PLCG2: variants seen among roughly 807,000 people sequenced by gnomAD.
PLCG2 encodes the protein 1-phosphatidylinositol 4,5-bisphosphate phosphodiesterase gamma-2.
PLCG2 carries 69 observed loss-of-function variants against 175.6 expected under a neutral mutation model. That is an observed-to-expected ratio of 0.39 (90% confidence interval 0.32 to 0.48). PLCG2 has a LOEUF of 0.48. Among genes scored for constraint, PLCG2 ranks in the 20% least tolerant of loss-of-function variants. The pLI is 0.91. For synonymous variants in PLCG2, 827 were observed against 624.0 expected, an observed-to-expected ratio of 1.33 and a Z score of -4.85; for missense variants, 1,798 against 1,650.9, an observed-to-expected ratio of 1.09 and a Z score of -1.54.
At chr16:81,856,513 C>T (rs972608437) in intron 3 of PLCG2, among the ~76,000 whole-genome samples, 1 of 152,226 alleles carries the variant, frequency 6.6e-6, no homozygotes, top group Non-Finnish European at 1.5e-5. Flanking sequence ...TTAGCAAGCT[C>T]TACTTGCTGT....
upstream of PLCG2, among the ~76,000 whole-genome samples, chr16:81,775,906 C>G (rs1255245021): frequency 1.3e-5 from 2 of 151,726 alleles, no homozygotes; most frequent in African/African-American, 4.8e-5. Context: ...TCTTATTAAT[C>G]TGGGGATGGG....
At chr16:81,783,706 T>C (rs1910846237) in intron 1 of PLCG2, among the ~76,000 whole-genome samples, 1 of 152,218 alleles carries the variant, frequency 6.6e-6, no homozygotes, top group Non-Finnish European at 1.5e-5. Flanking sequence ...GCCCAATAAA[T>C]GGCTGCTTAA....
chr16:81,867,890 G>A (rs1360962700), intron 5 of PLCG2, among the ~76,000 whole-genome samples: 1 of 152,004 alleles, frequency 6.6e-6, no homozygotes, highest in Non-Finnish European at 1.5e-5. Flanking sequence ...TAGTAGAGAC[G>A]GGGTTTCACC....
intron 2 of PLCG2, among the ~76,000 whole-genome samples, chr16:81,789,985 G>A (rs186734819): frequency 1.3e-5 from 2 of 152,316 alleles, no homozygotes; most frequent in African/African-American, 4.8e-5. Flanking sequence ...GCAGTCTGGG[G>A]CTTGACTTCC....
chr16:81,820,943 A>G (rs1009578619), intron 2 of PLCG2, among the ~76,000 whole-genome samples: 1 of 144,986 alleles, frequency 6.9e-6, no homozygotes, highest in Non-Finnish European at 1.5e-5. Context: ...TTTAGTAGAG[A>G]TGGGGGCCTC....
At chr16:81,901,045 G>T (rs550674533) in intron 14 of PLCG2, among the ~76,000 whole-genome samples, 2 of 152,258 alleles carry the variant, frequency 1.3e-5, no homozygotes, top group African/African-American at 4.8e-5. Context: ...GAGGGAAGGC[G>T]TGCAGAATGC....
At chr16:81,743,368 A>G (rs1281642548) in intron 1 of PLCG2, among the ~76,000 whole-genome samples, 1 of 152,202 alleles carries the variant, frequency 6.6e-6, no homozygotes, top group African/African-American at 2.4e-5. Flanking sequence ...AAAACAAAAC[A>G]AAAGAACCGG....
chr16:81,950,498 C>T (rs965846532), intron 31 of PLCG2, among the ~76,000 whole-genome samples: 1 of 152,082 alleles, frequency 6.6e-6, no homozygotes, highest in Non-Finnish European at 1.5e-5. Context: ...TATAAGAAAT[C>T]AGCAAAGACA....
At chr16:81,795,812 G>A (rs769660701) in intron 2 of PLCG2, among the ~76,000 whole-genome samples, 13 of 152,082 alleles carry the variant, frequency 8.5e-5, no homozygotes, top group Non-Finnish European at 1.8e-4. Context: ...TGATCCTCCT[G>A]CTTTGGCCTC....
chr16:81,916,487 G>A (rs553972025), intron 19 of PLCG2, among the ~76,000 whole-genome samples: 1 of 151,890 alleles, frequency 6.6e-6, no homozygotes, highest in South Asian at 2.1e-4. Context: ...AATAAAAGTT[G>A]TTTATATGTA....
chr16:81,870,315 G>A (rs1907451830), intron 6 of PLCG2, among the ~76,000 whole-genome samples: 1 of 152,218 alleles, frequency 6.6e-6, no homozygotes. Flanking sequence ...AAAGAAAACT[G>A]AGGGTTTGAA....
chr16:81,890,600 G>T (rs1311773473), intron 10 of PLCG2, among the ~76,000 whole-genome samples: 3 of 152,194 alleles, frequency 2.0e-5, no homozygotes, highest in Non-Finnish European at 4.4e-5. Context: ...AACAGAATGC[G>T]AAGGTGTCTG....
intron 26 of PLCG2, chr16:81,935,529 C>T (rs1009352979): frequency 2.0e-6 from 2 of 985,116 alleles, no homozygotes; most frequent in African/African-American, 1.7e-5. Flanking sequence ...CCATATCTTT[C>T]ATCTTAGAAC....
At chr16:81,778,051 A>C (rs368520478), upstream of PLCG2, among the ~76,000 whole-genome samples, 3,713 of 78,704 alleles carry the variant, frequency 0.047, 299 homozygotes, top group African/African-American at 0.073. Context: ...AACAAAAAAA[A>C]AAACAAAAAA....
chr16:81,850,055 G>A (rs1021828655), intron 2 of PLCG2, among the ~76,000 whole-genome samples: 1 of 152,160 alleles, frequency 6.6e-6, no homozygotes, highest in African/African-American at 2.4e-5. Context: ...AAAGGCACAA[G>A]AGAAAACAAA....
chr16:81,770,765 T>C (rs1910260554), intron 2 of PLCG2, among the ~76,000 whole-genome samples: 2 of 152,004 alleles, frequency 1.3e-5, no homozygotes, highest in African/African-American at 4.8e-5. Flanking sequence ...GTGCATAAAA[T>C]GGCCCAGATC....
At chr16:81,933,307 G>T (rs563722323) in intron 25 of PLCG2, among the ~76,000 whole-genome samples, 1 of 152,218 alleles carries the variant, frequency 6.6e-6, no homozygotes, top group Non-Finnish European at 1.5e-5. Context: ...CGGAGCTGGT[G>T]TTGGGGAGCA....
At chr16:81,900,548 C>A in intron 13 of PLCG2, 64 bp from the exon 14 acceptor site, 2 of 1,470,138 alleles carry the variant, frequency 1.4e-6, no homozygotes, top group Non-Finnish European at 1.8e-6. Flanking sequence ...CCTGGCCCCT[C>A]TGTGGGGCAG....
chr16:81,947,725 T>C (rs1318215656), intron 31 of PLCG2, among the ~76,000 whole-genome samples: 1 of 152,188 alleles, frequency 6.6e-6, no homozygotes, highest in Non-Finnish European at 1.5e-5. Context: ...ACAATTACTT[T>C]ATCAAGTCGC....
Sources: gnomAD v4.1 joint callset for allele counts (sites outside exome capture counted in the v4.1 genomes callset) on GRCh38, gnomAD v4.1.1 for gene constraint, MANE v1.5 for transcripts, NCBI Gene and HGNC (gene_info 2026-07-23, HGNC 2026-07-21) for gene names.